EIF3H: variants seen among roughly 807,000 people sequenced by gnomAD.
The protein encoded by EIF3H is eukaryotic translation initiation factor 3 subunit H.
A neutral mutation model predicts 44.2 loss-of-function variants in EIF3H; 26 were observed. The observed-to-expected ratio is 0.59, with a 90% CI of 0.43 to 0.82. The LOEUF is 0.82. EIF3H is among the 40% of genes least tolerant of loss of function. The pLI, the probability that EIF3H is intolerant of heterozygous loss-of-function variation, is 0.00. For missense variants in EIF3H, 359 were observed against 432.8 expected (o/e 0.83, Z 1.51); for synonymous variants, 166 against 151.9 (o/e 1.09, Z -0.68).
chr8:116,659,990 G>A (rs890197379), intron 2 of EIF3H, among the ~76,000 whole-genome samples: 2 of 152,040 alleles, frequency 1.3e-5, no homozygotes, highest in South Asian at 2.1e-4. Flanking sequence ...GGGCTCAAGT[G>A]ATTCTTTTGA....
At chr8:116,756,874 A>G (rs984928229), upstream of EIF3H, among the ~76,000 whole-genome samples, 2 of 152,234 alleles carry the variant, frequency 1.3e-5, no homozygotes, top group Non-Finnish European at 2.9e-5. Flanking sequence ...ATCCTGGTAA[A>G]ATTACACTAG....
chr8:116,678,276 G>C (rs1452599372), intron 2 of EIF3H, among the ~76,000 whole-genome samples: 1 of 152,092 alleles, frequency 6.6e-6, no homozygotes, highest in East Asian at 1.9e-4. Context: ...ATTGCAGACG[G>C]AGTCTCGTTC....
intron 1 of EIF3H, chr8:116,737,371 T>C (rs1033126032): frequency 1.9e-5 from 8 of 419,878 alleles, no homozygotes; most frequent in Non-Finnish European, 3.7e-5. Flanking sequence ...TAAAAATTAA[T>C]AGGGCTGGGC....
chr8:116,644,811 T>C lies in EIF3H; in HGVS notation c.*195A>G, dbSNP rs1213825107. ...AAAAGTAAGCCAGAGAAAATACATC[T>C]AAAATCAAATGAGCAAGCAGTCAAG... On this transcript the variant is annotated 3_prime_UTR_variant, in exon 8 of 8. Transcript: ENST00000521861. 2 of 530,380 alleles carry C rather than the reference T, an allele frequency of 3.8e-6. No individual in the cohort carries two copies. Among genetic ancestry groups the C allele is most frequent in the Non-Finnish European group, 6.7e-6 (2 of 297,228 alleles). 32.9% of individuals were successfully genotyped at this position (530,380 alleles called of 1,614,324 possible). A position where few individuals can be genotyped will look rare whatever the true frequency, so the allele number is the denominator to read the frequency against.
At chr8:116,755,834 T>A, upstream of EIF3H, 1 of 1,607,974 alleles carries the variant, frequency 6.2e-7, no homozygotes, top group Non-Finnish European at 8.5e-7. Context: ...AAACGTGAGT[T>A]ACCGGAAGCG....
At chr8:116,755,850 A>T, upstream of EIF3H, 2 of 1,602,668 alleles carry the variant, frequency 1.2e-6, no homozygotes. Flanking sequence ...AAGCGGAAGT[A>T]CAAGTCTCGC....
At chr8:116,710,112 G>A (rs1276705745) in intron 2 of EIF3H, among the ~76,000 whole-genome samples, 1 of 152,092 alleles carries the variant, frequency 6.6e-6, no homozygotes, top group Non-Finnish European at 1.5e-5. Context: ...TGGCAGTCAC[G>A]GCAGATTGGA....
chr8:116,657,141 T>C (rs1813504517), intron 4 of EIF3H, 74 bp downstream of exon 4: 2 of 1,284,926 alleles, frequency 1.6e-6, no homozygotes, highest in Admixed American at 1.7e-5. Flanking sequence ...CAACCAAGGA[T>C]TCAAGAGATG....
intron 1 of EIF3H, among the ~76,000 whole-genome samples, chr8:116,733,107 ACT>A (rs1398190646): frequency 6.6e-6 from 1 of 152,158 alleles, no homozygotes; most frequent in East Asian, 1.9e-4. Flanking sequence ...TGCTAGAATG[ACT>A]CACAGAATCC....
intron 1 of EIF3H, among the ~76,000 whole-genome samples, chr8:116,739,181 C>CCTTAAGGACATGTTCCTGCTT (rs1474315099): frequency 2.0e-5 from 3 of 152,244 alleles, no homozygotes; most frequent in Non-Finnish European, 4.4e-5. Flanking sequence ...GCGATCCGTG[C>CCTTAAGGACATGTTCCTGCTT]CTTAAGGACA....
chr8:116,726,759 T>C (rs906800202), intron 1 of EIF3H, among the ~76,000 whole-genome samples: 1 of 152,218 alleles, frequency 6.6e-6, no homozygotes, highest in Non-Finnish European at 1.5e-5. Flanking sequence ...AAGGATTCAC[T>C]AAGCAACCTC....
chr8:116,719,861 G>A (rs10156225), intron 2 of EIF3H, among the ~76,000 whole-genome samples: 67,307 of 151,882 alleles, frequency 0.44, 18,759 homozygotes, highest in Non-Finnish European at 0.62. Flanking sequence ...CACAAAAAGC[G>A]GATTTCAGAT....
In EIF3H at chr8:116,738,252, C is replaced by T. The variant is rs1586486411; in HGVS notation, c.133-12080G>A. On this transcript the variant is annotated intron_variant, in intron 1 of 7. Coordinates refer to ENST00000521861, the MANE Select transcript of EIF3H (RefSeq NM_003756.3). ...TAACGTTTCATTTTTTCTGACAGTA[C>T]TACTGAGTTGACAATGATGGACACA... 2.0e-5 allele frequency among the ~76,000 whole-genome samples: 3 copies of T among 152,084 alleles called. No homozygotes were observed. The East Asian group carries it at 5.8e-4, about 29-fold the overall frequency.
chr8:116,755,189 G>A (rs1400960637), intron 1 of EIF3H, among the ~76,000 whole-genome samples: 1 of 152,068 alleles, frequency 6.6e-6, no homozygotes, highest in Non-Finnish European at 1.5e-5. Context: ...TAAATTATAC[G>A]GTTTCAGATA....
chr8:116,680,721 C>A (rs1475836189), intron 2 of EIF3H, among the ~76,000 whole-genome samples: 14 of 142,248 alleles, frequency 9.8e-5, no homozygotes, highest in Admixed American at 4.2e-4. Flanking sequence ...CCTAGGAAAA[C>A]CAGAGACCTT....
chr8:116,725,010 C>A (rs537725199), intron 2 of EIF3H, among the ~76,000 whole-genome samples: 3 of 152,154 alleles, frequency 2.0e-5, no homozygotes, highest in African/African-American at 7.2e-5. Context: ...TTCACAATAG[C>A]CAACAGGTGG....
chr8:116,686,402 C>T (rs954549485), intron 2 of EIF3H, among the ~76,000 whole-genome samples: 2 of 152,054 alleles, frequency 1.3e-5, no homozygotes. Flanking sequence ...AATCTACAAA[C>T]CCTGGAGACC....
At chr8:116,701,554 G>A (rs1200921613) in intron 2 of EIF3H, among the ~76,000 whole-genome samples, 1 of 152,138 alleles carries the variant, frequency 6.6e-6, no homozygotes, top group Admixed American at 6.5e-5. Flanking sequence ...AAACCTGGCA[G>A]TCACCACCTA....
At chr8:116,655,587 A>C (rs1002282373) in intron 5 of EIF3H, among the ~76,000 whole-genome samples, 11 of 152,206 alleles carry the variant, frequency 7.2e-5, no homozygotes, top group African/African-American at 2.7e-4. Context: ...ACCTTATCAA[A>C]GCACAAATGA....
Sources: gnomAD v4.1 joint callset for allele counts (sites outside exome capture counted in the v4.1 genomes callset) on GRCh38, gnomAD v4.1.1 for gene constraint, MANE v1.5 for transcripts, NCBI Gene and HGNC (gene_info 2026-07-23, HGNC 2026-07-21) for gene names.